The following SEC14L1 variants were observed in gnomAD, a reference collection of about 807,000 sequenced individuals.
SEC14L1 encodes the protein SEC14 like lipid binding 1.
Under a neutral mutation model 85.3 loss-of-function variants are expected in SEC14L1, and 48 were observed. The observed-to-expected ratio is 0.56, with a 90% CI of 0.45 to 0.72. The LOEUF (loss-of-function observed/expected upper bound fraction) is 0.72. SEC14L1 is among the 30% of genes least tolerant of loss of function. The pLI, the probability that SEC14L1 is intolerant of heterozygous loss-of-function variation, is 0.00. For missense variants in SEC14L1, 682 were observed against 921.4 expected (o/e 0.74, Z 3.36); for synonymous variants, 391 against 355.5 (o/e 1.10, Z -1.12).
At chr17:77,112,488 G>C (rs969981979) in intron 3 of SEC14L1, among the ~76,000 whole-genome samples, 1 of 152,140 alleles carries the variant, frequency 6.6e-6, no homozygotes, top group African/African-American at 2.4e-5. Context: ...CTCATTTATA[G>C]TCTATATTGA....
rs919345513 is a variant in SEC14L1 at position 77,111,424 on chromosome 17, G to C, written c.-136+18077G>C. On this transcript the variant is annotated intron_variant, in intron 3 of 19. Coordinates refer to the SEC14L1 transcript ENST00000392476. ...TTTTTTTTTTTTGAGACAGAGTCTC[G>C]CTTTGTCGCCCAGGTTGGAGTGCAG... 3.4e-5 allele frequency among the ~76,000 whole-genome samples: 5 copies of C among 148,234 alleles called. No individual in the cohort carries two copies. The East Asian group carries it at 9.9e-4, about 29-fold the overall frequency.
At chr17:77,175,392 T>C (rs1373663415) in intron 3 of SEC14L1, among the ~76,000 whole-genome samples, 1 of 152,206 alleles carries the variant, frequency 6.6e-6, no homozygotes, top group African/African-American at 2.4e-5. Flanking sequence ...AGCAAGCTTA[T>C]AGTGGCGTGA....
chr17:77,092,811 G>A (rs889603540), intron 2 of SEC14L1, among the ~76,000 whole-genome samples: 3 of 152,130 alleles, frequency 2.0e-5, no homozygotes, highest in Non-Finnish European at 4.4e-5. Context: ...AGCTGGGCGT[G>A]GTGGCACATG....
rs1976892171 is a variant in SEC14L1, at chr17:77,213,711, C to G, written c.2043-207C>G. The G allele has an allele frequency of 1.2e-6, 1 of 857,440 alleles. No individual in the cohort carries two copies. 53.1% of individuals were successfully genotyped at this position (857,440 alleles called of 1,614,324 possible). A position where few individuals can be genotyped will look rare whatever the true frequency, so the allele number is the denominator to read the frequency against. ...AGACAGAGCCGACTGACTGCCTTTG[C>G]TTTAGCTCACACTGCCGTCTGCGTG... On this transcript the variant is annotated intron_variant, in intron 16 of 16. Transcript: ENST00000436233. The surrounding 1 kb of genome is among the most constrained non-coding windows in gnomAD (Gnocchi z 7.1).
intron 3 of SEC14L1, among the ~76,000 whole-genome samples, chr17:77,122,752 CAGA>C (rs947658187): frequency 3.3e-5 from 5 of 152,242 alleles, no homozygotes; most frequent in African/African-American, 1.2e-4. Context: ...AACTGCAAGG[CAGA>C]AGGAGGGCCT....
rs771906740 is a variant in SEC14L1 at position 77,200,473 on chromosome 17, T to C, written c.820-11T>C. On this transcript the variant is annotated splice_polypyrimidine_tract_variant and intron_variant, in intron 8 of 16. Coordinates refer to ENST00000436233, the MANE Select transcript of SEC14L1 (RefSeq NM_001143998.2). ...TTAACATTGCTTAGAAATGTCTTTT[T>C]CTCTTAATAGATTCCAAAAGATGAG... is the stretch of plus-strand genomic sequence containing the variant. The C allele has an allele frequency of 6.2e-7, 1 of 1,609,296 alleles. No homozygotes were observed.
chr17:77,213,604 C>T lies in SEC14L1; in HGVS notation c.2042+112C>T, dbSNP rs1345596725. On this transcript the variant is annotated intron_variant, in intron 16 of 16. Coordinates refer to ENST00000436233, the MANE Select transcript of SEC14L1 (RefSeq NM_001143998.2). The surrounding 1 kb of genome is among the most constrained non-coding windows in gnomAD (Gnocchi z 7.1). ...GCAGTGGCGGCGGGTGTCAGGAATG[C>T]TTGGAGGGCCAGGAGGGAGTGGCTT... The T allele has an allele frequency of 2.3e-6, 3 of 1,305,974 alleles. No homozygotes were observed. Among genetic ancestry groups the T allele is most frequent in the South Asian group, 1.2e-5 (1 of 81,180 alleles). 80.9% of individuals were successfully genotyped at this position (1,305,974 alleles called of 1,614,324 possible).
rs1461780220 is a variant in SEC14L1 at position 77,214,815 on chromosome 17, C to T, written c.*792C>T. The T allele has an allele frequency of 1.0e-6, 1 of 985,562 alleles. No individual in the cohort carries two copies. The allele number at this position is 985,562 out of a possible 1,614,324, so 61.1% of individuals were successfully genotyped here. On this transcript the variant is annotated 3_prime_UTR_variant, in exon 17 of 17. Transcript: ENST00000436233. ...GTTTCCTTCCGTGCGTCGCCCCTCT[C>T]ACCTGCAGTCAGCTCCCAGCCCAGT...
At chr17:77,176,490 TG>T (rs1974765028) in intron 3 of SEC14L1, among the ~76,000 whole-genome samples, 1 of 152,272 alleles carries the variant, frequency 6.6e-6, no homozygotes, top group African/African-American at 2.4e-5. Context: ...GTCTGCCTCC[TG>T]CCTCTATCAG....
chr17:77,164,407 T>TC (rs537304754), intron 3 of SEC14L1, among the ~76,000 whole-genome samples: 2 of 152,084 alleles, frequency 1.3e-5, no homozygotes, highest in African/African-American at 2.4e-5. Context: ...CCTCCCAATT[T>TC]CCCCCCACCT....
At chr17:77,091,734 G>A (rs1277560571) in intron 2 of SEC14L1, among the ~76,000 whole-genome samples, 1 of 152,178 alleles carries the variant, frequency 6.6e-6, no homozygotes. Context: ...CTTGGCTGAA[G>A]GTTGAGATTA....
intron 3 of SEC14L1, among the ~76,000 whole-genome samples, chr17:77,190,592 G>A (rs556231860): frequency 6.6e-6 from 1 of 152,196 alleles, no homozygotes; most frequent in South Asian, 2.1e-4. Context: ...TACTTATGGG[G>A]AGAATTGAGA....
chr17:77,200,350 G>T (rs113496368), intron 8 of SEC14L1, 134 bp from the exon 9 acceptor site: 13 of 636,898 alleles, frequency 2.0e-5, no homozygotes, highest in African/African-American at 1.5e-4. Context: ...TGTATTTTTA[G>T]TAGAGATGGC....
At chr17:77,096,864 C>G (rs866838812) in intron 3 of SEC14L1, among the ~76,000 whole-genome samples, 1 of 152,118 alleles carries the variant, frequency 6.6e-6, no homozygotes, top group African/African-American at 2.4e-5. Flanking sequence ...CCAAGACTTT[C>G]TGTCACCAAA....
At chr17:77,209,317 T>G (rs774889524) in intron 13 of SEC14L1, 25 bp from the exon 14 acceptor site, 2 of 1,613,690 alleles carry the variant, frequency 1.2e-6, no homozygotes, top group Non-Finnish European at 1.7e-6. Flanking sequence ...TTGCACAGGT[T>G]TCACTGCTGT....
At chr17:77,162,379 C>T (rs888676107) in intron 3 of SEC14L1, among the ~76,000 whole-genome samples, 6 of 152,100 alleles carry the variant, frequency 3.9e-5, no homozygotes, top group Admixed American at 6.5e-5. Context: ...GATTTGACAG[C>T]CATTTTAATT....
At chr17:77,149,687 A>G (rs919559070) in intron 3 of SEC14L1, among the ~76,000 whole-genome samples, 11 of 152,174 alleles carry the variant, frequency 7.2e-5, no homozygotes, top group Non-Finnish European at 1.3e-4. Flanking sequence ...TTACAGAGCA[A>G]GACCCTGTTT....
At chr17:77,173,386 G>A (rs540877038) in intron 3 of SEC14L1, among the ~76,000 whole-genome samples, 3 of 151,796 alleles carry the variant, frequency 2.0e-5, no homozygotes, top group Non-Finnish European at 2.9e-5. Flanking sequence ...GGTCCAGGGC[G>A]GCTGCCTGAG....
intron 3 of SEC14L1, chr17:77,185,486 G>C: frequency 1.7e-6 from 1 of 598,734 alleles, no homozygotes; most frequent in Non-Finnish European, 2.1e-6. Context: ...GGCTGCGTGG[G>C]TGACACCTTA....
Sources: allele counts gnomAD v4.1 joint callset (sites outside exome capture counted in the v4.1 genomes callset), GRCh38; gene constraint gnomAD v4.1.1; non-coding constraint Gnocchi (gnomAD v3.1); transcripts MANE v1.5; gene names NCBI Gene and HGNC (gene_info 2026-07-23, HGNC 2026-07-21).